The following RGS8 variants were observed in gnomAD, a reference collection of about 807,000 sequenced individuals.
The protein encoded by RGS8 is regulator of G protein signaling 8.
RGS8 carries 8 observed loss-of-function variants against 21.7 expected under a neutral mutation model. The ratio of observed to expected loss-of-function variants is 0.37; its 90% CI spans 0.22 to 0.66. RGS8 has a LOEUF of 0.66. RGS8 is among the 30% of genes least tolerant of loss of function. The pLI is 0.59. For synonymous variants in RGS8, 80 were observed against 83.6 expected, an observed-to-expected ratio of 0.96 and a Z score of 0.24; for missense variants, 157 against 217.9, an observed-to-expected ratio of 0.72 and a Z score of 1.76.
chr1:182,724,557 A>G, the RGS8 span, among the ~76,000 whole-genome samples: 1 of 151,720 alleles, frequency 6.6e-6, no homozygotes, highest in Non-Finnish European at 1.5e-5. Context: ...TTTTTTGTTT[A>G]TTTTATTTTA....
chr1:182,724,521 G>T, the RGS8 span, among the ~76,000 whole-genome samples: 3 of 151,806 alleles, frequency 2.0e-5, no homozygotes, highest in Admixed American at 2.0e-4. Flanking sequence ...AATATGTAAG[G>T]AGGAGGCTTT....
At chr1:182,693,324 T>C in the RGS8 span, among the ~76,000 whole-genome samples, 1 of 152,158 alleles carries the variant, frequency 6.6e-6, no homozygotes, top group Admixed American at 6.5e-5. Flanking sequence ...GAACAGACAC[T>C]TTTCAAAAGA....
At chr1:182,689,723 C>G in the RGS8 span, among the ~76,000 whole-genome samples, 1 of 152,070 alleles carries the variant, frequency 6.6e-6, no homozygotes, top group Non-Finnish European at 1.5e-5. Context: ...GTCAAAGGAA[C>G]AAAGAAAGCT....
At chr1:182,674,846 A>T (rs1664304971), upstream of RGS8, among the ~76,000 whole-genome samples, 1 of 152,126 alleles carries the variant, frequency 6.6e-6, no homozygotes, top group South Asian at 2.1e-4. Context: ...AACTGGCCAC[A>T]ACTCACGTTT....
chr1:182,681,864 G>C (rs1483936371), intron 1 of RGS8, among the ~76,000 whole-genome samples: 2 of 152,220 alleles, frequency 1.3e-5, no homozygotes, highest in African/African-American at 4.8e-5. Flanking sequence ...GCTTTTCTGA[G>C]ACCCTCTTCC....
upstream of RGS8, among the ~76,000 whole-genome samples, chr1:182,685,115 T>G (rs1664670220): frequency 6.7e-6 from 1 of 149,782 alleles, no homozygotes; most frequent in Non-Finnish European, 1.5e-5. Flanking sequence ...AAATTAGACA[T>G]GAAAGAGTGT....
intron 5 of RGS8, among the ~76,000 whole-genome samples, chr1:182,663,536 T>C (rs1663703874): frequency 6.6e-6 from 1 of 152,202 alleles, no homozygotes; most frequent in African/African-American, 2.4e-5. Flanking sequence ...GCTTGTTGTT[T>C]TGTTTTTTAA....
chr1:182,689,562 A>G (rs138288804), upstream of RGS8, among the ~76,000 whole-genome samples: 1 of 152,234 alleles, frequency 6.6e-6, no homozygotes, highest in African/African-American at 2.4e-5. Context: ...ATGAGAATGC[A>G]GAGCCCACTA....
At chr1:182,671,456 T>G (rs993288105) in intron 2 of RGS8, among the ~76,000 whole-genome samples, 1 of 151,898 alleles carries the variant, frequency 6.6e-6, no homozygotes, top group African/African-American at 2.4e-5. Context: ...TGAGACATAA[T>G]GGGAAGACAG....
intron 6 of RGS8, among the ~76,000 whole-genome samples, chr1:182,647,888 G>A (rs1414251257): frequency 6.6e-6 from 1 of 152,198 alleles, no homozygotes; most frequent in African/African-American, 2.4e-5. Context: ...AATCTCTGTA[G>A]CAACACAGTT....
exon 7 of RGS8, chr1:182,646,874 A>T: frequency 6.2e-7 from 1 of 1,614,106 alleles, no homozygotes; most frequent in South Asian, 1.1e-5. Flanking sequence ...TGGCTCCTGC[A>T]GGTTCTTCCT....
At chr1:182,747,043 C>CTTTTTTTTTTT in the RGS8 span, among the ~76,000 whole-genome samples, 378 of 21,042 alleles carry the variant, frequency 0.018, 144 homozygotes, top group Non-Finnish European at 0.027. Flanking sequence ...CACTGCTGGT[C>CTTTTTTTTTTT]TTTTTTTTTT....
chr1:182,663,459 T>C (rs1278814617), intron 5 of RGS8, among the ~76,000 whole-genome samples: 1 of 152,184 alleles, frequency 6.6e-6, no homozygotes, highest in African/African-American at 2.4e-5. Context: ...CCAGGAAGGA[T>C]CACAAAACTT....
the RGS8 span, among the ~76,000 whole-genome samples, chr1:182,736,100 C>A: frequency 6.6e-6 from 1 of 152,180 alleles, no homozygotes; most frequent in African/African-American, 2.4e-5. Flanking sequence ...TAAAGAAACT[C>A]TATATCATCA....
At chr1:182,732,301 A>ACACACACC in the RGS8 span, among the ~76,000 whole-genome samples, 142 of 150,630 alleles carry the variant, frequency 9.4e-4, 1 homozygote, top group Admixed American at 1.1e-3. Context: ...ACACACACAC[A>ACACACACC]CCCACTGTAG....
chr1:182,745,351 C>CA, the RGS8 span, among the ~76,000 whole-genome samples: 65,548 of 151,954 alleles, frequency 0.43, 14,415 homozygotes, highest in Non-Finnish European at 0.48. Context: ...TCATGAGAAC[C>CA]AACTGTTTTC....
rs181967155 is a variant in RGS8 at position 182,669,721 on chromosome 1, G to T, written c.-72C>A. The T allele has an allele frequency of 1.9e-6, 3 of 1,610,150 alleles. No individual in the cohort carries two copies. The East Asian group carries it at 6.7e-5, about 36-fold the overall frequency. On this transcript the variant is annotated 5_prime_UTR_variant, in exon 3 of 7. Transcript: ENST00000483095. ...TCAGGGCAGGAAATAAGACTGCGGG[G>T]CTCAGGAATTTACCCTTGCACGTCC...
the RGS8 span, chr1:182,734,876 A>G: frequency 2.6e-5 from 4 of 152,362 alleles, no homozygotes; most frequent in South Asian, 8.3e-4. Flanking sequence ...TGTGGGCCAC[A>G]TACATAATTT....
upstream of RGS8, among the ~76,000 whole-genome samples, chr1:182,688,026 G>A (rs973132524): frequency 6.6e-6 from 1 of 152,232 alleles, no homozygotes; most frequent in Non-Finnish European, 1.5e-5. Flanking sequence ...AACTGCGTAT[G>A]TCCTATTGTC....
Sources: gnomAD v4.1 joint callset for allele counts (sites outside exome capture counted in the v4.1 genomes callset) on GRCh38, gnomAD v4.1.1 for gene constraint, MANE v1.5 for transcripts, NCBI Gene and HGNC (gene_info 2026-07-23, HGNC 2026-07-21) for gene names.